Variants in NIM1K observed in about 807,000 individuals in gnomAD.
NIM1K encodes the protein serine/threonine-protein kinase NIM1.
A neutral mutation model predicts 37.1 loss-of-function variants in NIM1K; 35 were observed. The observed-to-expected ratio is 0.94, with a 90% CI of 0.72 to 1.25. The LOEUF (loss-of-function observed/expected upper bound fraction) is 1.25, where lower values mean the gene tolerates loss of function less well. Ranked by LOEUF, NIM1K falls within the 50% of genes most tolerant of loss-of-function variation. The pLI is 0.00. For synonymous variants in NIM1K, 234 were observed against 206.6 expected, an observed-to-expected ratio of 1.13 and a Z score of -1.14; for missense variants, 564 against 548.0, an observed-to-expected ratio of 1.03 and a Z score of -0.29.
In NIM1K at chr5:43,209,218, A is replaced by C. The variant is rs377012171; in HGVS notation, c.-695+16807A>C. On this transcript the variant is annotated intron_variant, in intron 1 of 3. Coordinates refer to ENST00000326035, the MANE Select transcript of NIM1K (RefSeq NM_153361.4). ...TTTTTATTGTCTGCAGGCTGGAGCAAATGCTGGTTTGTAAACATTGTAATG... is the reference window on the plus strand; with the variant it reads ...TTTTTATTGTCTGCAGGCTGGAGCACATGCTGGTTTGTAAACATTGTAATG... Among the ~76,000 whole-genome samples, 8 of 152,168 alleles carry C rather than the reference A, an allele frequency of 5.3e-5. No individual in the cohort carries two copies. In the East Asian group the frequency reaches 1.5e-3, roughly 29 times the overall value.
At chr5:43,227,928 A>C (rs1309248668) in intron 1 of NIM1K, among the ~76,000 whole-genome samples, 1 of 152,122 alleles carries the variant, frequency 6.6e-6, no homozygotes, top group Non-Finnish European at 1.5e-5. Context: ...GCCAGTAAAG[A>C]TACTGAACCT....
In NIM1K at chr5:43,280,316, C is replaced by T. The variant is rs780003257; in HGVS notation, c.898C>T (p.Arg300Ter). 7 of 1,613,994 alleles carry T rather than the reference C, an allele frequency of 4.3e-6. No individual in the cohort carries two copies. Among genetic ancestry groups the T allele is most frequent in the East Asian group, 2.2e-5 (1 of 44,874 alleles). The stretch of plus-strand genomic sequence containing the variant: ...GCCGCACGTGTCAGAGCCCTGCCAC[C>T]GACTCATCCGAGGAGTCCTTCAGCA... ...VPPHVSEPCH[R>*]LIRGVLQQIP... Residue 300 changes from arginine to a stop codon, truncating the protein, a stop_gained, in exon 4 of 4, where the codon CGA becomes TGA. Coordinates refer to ENST00000326035, the MANE Select transcript of NIM1K (RefSeq NM_153361.4). LOFTEE classifies it high-confidence loss of function.
intron 1 of NIM1K, among the ~76,000 whole-genome samples, chr5:43,202,871 A>G (rs989496688): frequency 2.0e-5 from 3 of 152,208 alleles, no homozygotes; most frequent in African/African-American, 7.2e-5. Context: ...TACCTGGTTC[A>G]AATTGCAGAG....
chr5:43,209,178 A>G (rs1248514723), intron 1 of NIM1K, among the ~76,000 whole-genome samples: 1 of 152,194 alleles, frequency 6.6e-6, no homozygotes, highest in African/African-American at 2.4e-5. Flanking sequence ...CCAAGGGAAA[A>G]CCATAATCAG....
intron 1 of NIM1K, among the ~76,000 whole-genome samples, chr5:43,229,610 G>GTATC (rs1752508980): frequency 6.8e-6 from 1 of 147,686 alleles, no homozygotes; most frequent in Admixed American, 7.0e-5. Context: ...ACCTATATCT[G>GTATC]TATCTTTTTT....
chr5:43,259,410 T>C (rs1390299177), intron 2 of NIM1K, among the ~76,000 whole-genome samples: 3 of 152,238 alleles, frequency 2.0e-5, no homozygotes, highest in Non-Finnish European at 4.4e-5. Context: ...AGTGTATAAA[T>C]GTTACCTTTT....
chr5:43,198,183 CTTTCTTTCTTTCTTTCTTTCTT>C (rs1751951417), intron 1 of NIM1K, among the ~76,000 whole-genome samples: 2 of 71,332 alleles, frequency 2.8e-5, no homozygotes, highest in Non-Finnish European at 5.7e-5. Flanking sequence ...TTCTTTCTTT[CTTTCTTTCTTTCTTTCTTTCTT>C]TCTCTTTCTT....
In NIM1K at chr5:43,280,594, T is replaced by C; in HGVS notation, c.1176T>C (p.His392=). 1.2e-6 allele frequency: 2 copies of C among 1,614,096 alleles called. No individual in the cohort carries two copies. The highest frequency in any genetic ancestry group is 1.1e-5 in the South Asian group (1 of 91,088). The part of the protein sequence containing the change: ...SITGVYRIIL[H]RVQRKKALES... ...CAGGGGTCTATAGAATTATTTTACA[T>C]AGAGTCCAAAGGAAGAAGGCTTTGG... The change falls in exon 4 of 4, where the codon CAT becomes CAC. Residue 392 remains histidine (H), a synonymous_variant. Transcript: ENST00000326035.
chr5:43,245,675 G>A lies in NIM1K; in HGVS notation c.-101G>A. On this transcript the variant is annotated 5_prime_UTR_variant, in exon 2 of 4. Transcript: ENST00000326035. The stretch of plus-strand genomic sequence containing the variant: ...TCAGGAAAACTCTTTTGAACCCTGG[G>A]CACCTGCTGTCCTCAGTTGGCATCT... The A allele has an allele frequency of 1.7e-6, 2 of 1,146,722 alleles. No individual in the cohort carries two copies. The highest frequency in any genetic ancestry group is 1.6e-5 in the South Asian group (1 of 61,128). 71.0% of individuals were successfully genotyped at this position (1,146,722 alleles called of 1,614,324 possible).
intron 1 of NIM1K, chr5:43,232,257 C>T (rs1379454262): frequency 9.2e-7 from 1 of 1,088,316 alleles, no homozygotes; most frequent in Non-Finnish European, 1.4e-6. Flanking sequence ...TGGCAAGGCT[C>T]ACATTTCATC....
At chr5:43,275,635 T>C (rs965267914) in intron 2 of NIM1K, among the ~76,000 whole-genome samples, 1 of 152,028 alleles carries the variant, frequency 6.6e-6, no homozygotes, top group African/African-American at 2.4e-5. Context: ...GAGAGTGAAA[T>C]AAAACAGTTC....
At chr5:43,267,768 CT>C (rs1405851604) in intron 2 of NIM1K, among the ~76,000 whole-genome samples, 3 of 151,952 alleles carry the variant, frequency 2.0e-5, no homozygotes, top group Non-Finnish European at 2.9e-5. Flanking sequence ...TTGAGAATTC[CT>C]TTTGGAGTTG....
At chr5:43,213,621 G>A (rs1752253175) in intron 1 of NIM1K, among the ~76,000 whole-genome samples, 1 of 152,178 alleles carries the variant, frequency 6.6e-6, no homozygotes, top group Non-Finnish European at 1.5e-5. Context: ...AGCCTCCAGA[G>A]TAGCTGGGAT....
chr5:43,214,831 AC>A (rs368939730), intron 1 of NIM1K, among the ~76,000 whole-genome samples: 2,167 of 146,986 alleles, frequency 0.015, 92 homozygotes, highest in Non-Finnish European at 0.024. Context: ...AAAAAAAAAA[AC>A]AAAAAAGAAA....
chr5:43,232,739 T>G (rs7727600), intron 1 of NIM1K: 1 of 1,214,454 alleles, frequency 8.2e-7, no homozygotes, highest in South Asian at 1.4e-5. Flanking sequence ...CCAGAACCAA[T>G]TCCTTCACCA....
chr5:43,255,145 T>C (rs182413334), intron 2 of NIM1K, among the ~76,000 whole-genome samples: 41 of 152,224 alleles, frequency 2.7e-4, no homozygotes, highest in Admixed American at 1.3e-3. Flanking sequence ...CCATGAGAAA[T>C]CATGATTATG....
chr5:43,232,373 A>G, intron 1 of NIM1K: 1 of 1,374,768 alleles, frequency 7.3e-7, no homozygotes, highest in Non-Finnish European at 1.0e-6. Context: ...GTCCAGACGG[A>G]AGTGGATGGG....
At chr5:43,238,034 AT>A (rs923803354) in intron 1 of NIM1K, among the ~76,000 whole-genome samples, 1 of 145,780 alleles carries the variant, frequency 6.9e-6, no homozygotes, top group Admixed American at 6.9e-5. Flanking sequence ...CAATTCTTCA[AT>A]TTAATTTTTT....
At chr5:43,205,695 T>A (rs566316621) in intron 1 of NIM1K, among the ~76,000 whole-genome samples, 1 of 152,298 alleles carries the variant, frequency 6.6e-6, no homozygotes, top group South Asian at 2.1e-4. Flanking sequence ...GTTTTACTTC[T>A]TGTTTGCTTG....
Sources: allele counts gnomAD v4.1 joint callset (sites outside exome capture counted in the v4.1 genomes callset), GRCh38; gene constraint gnomAD v4.1.1; transcripts MANE v1.5; gene names NCBI Gene and HGNC (gene_info 2026-07-23, HGNC 2026-07-21).